The following VHL variants were observed in gnomAD, a reference collection of about 807,000 sequenced individuals.
VHL encodes von Hippel-Lindau tumor suppressor.
VHL carries 10 observed loss-of-function variants against 19.2 expected under a neutral mutation model. The ratio of observed to expected loss-of-function variants is 0.52; its 90% CI spans 0.32 to 0.89. The LOEUF is 0.89. Among genes scored for constraint, VHL ranks in the 40% least tolerant of loss-of-function variants. The pLI is 0.03. For synonymous variants in VHL, 167 were observed against 129.5 expected (o/e 1.29, Z -1.97); for missense variants, 328 against 292.7 (o/e 1.12, Z -0.88).
intron 1 of VHL, among the ~76,000 whole-genome samples, chr3:10,144,395 G>A (rs1001312741): frequency 7.2e-5 from 11 of 151,860 alleles, no homozygotes; most frequent in African/African-American, 2.7e-4. Flanking sequence ...AAGATCACCC[G>A]AACCCAGGAG....
At chr3:10,148,292 C>A (rs1488135475) in intron 2 of VHL, among the ~76,000 whole-genome samples, 1 of 151,360 alleles carries the variant, frequency 6.6e-6, no homozygotes, top group Non-Finnish European at 1.5e-5. Flanking sequence ...ATTGGGATAC[C>A]CAATTCAGTT....
intron 1 of VHL, 75 bp from the exon 2 acceptor site, chr3:10,146,439 G>T (rs368713799): frequency 1.8e-5 from 28 of 1,599,524 alleles, no homozygotes; most frequent in African/African-American, 1.7e-4. Context: ...CTCCCAAAGT[G>T]CTGGGATTAC....
In VHL at chr3:10,153,012, C is replaced by G. The variant is rs1013805837; in HGVS notation, c.*3047C>G. ...ACAAAAATTGCCGGCCGCGGCGGCT[C>G]ATGCCTGTAATCCCAGCACTTTGGG... On this transcript the variant is annotated 3_prime_UTR_variant, in exon 3 of 3. Transcript: ENST00000256474. 7.9e-5 allele frequency among the ~76,000 whole-genome samples: 12 copies of G among 151,972 alleles called. No individual in the cohort carries two copies. The highest frequency in any genetic ancestry group is 2.9e-4 in the African/African-American group (12 of 41,406).
intron 2 of VHL, 62 bp downstream of exon 2, chr3:10,146,698 T>G: frequency 6.2e-7 from 1 of 1,605,104 alleles, no homozygotes; most frequent in South Asian, 1.1e-5. Flanking sequence ...ATAGACCACT[T>G]GAAAAATTAA....
chr3:10,147,858 A>G (rs1234244326), intron 2 of VHL, among the ~76,000 whole-genome samples: 2 of 152,074 alleles, frequency 1.3e-5, no homozygotes, highest in African/African-American at 4.8e-5. Flanking sequence ...TAGGGAGGCT[A>G]TGGCGGGAGG....
At chr3:10,148,108 A>T in intron 2 of VHL, among the ~76,000 whole-genome samples, 1 of 152,026 alleles carries the variant, frequency 6.6e-6, no homozygotes, top group East Asian at 1.9e-4. Context: ...AAAAAGAAAA[A>T]AAAAACTCAA....
In VHL at chr3:10,150,315, C is replaced by A; in HGVS notation, c.*350C>A. On this transcript the variant is annotated 3_prime_UTR_variant, in exon 3 of 3. Coordinates refer to ENST00000256474, the MANE Select transcript of VHL (RefSeq NM_000551.4). The stretch of plus-strand genomic sequence containing the variant: ...TCGTTTAATTTTAAGAAGGCATTGG[C>A]ATCTGCTTTTAATGGATGTATAATA... The A allele has an allele frequency of 7.9e-7, 1 of 1,269,688 alleles. No individual in the cohort carries two copies. The highest frequency in any genetic ancestry group is 1.0e-6 in the Non-Finnish European group (1 of 994,280). The allele number at this position is 1,269,688 out of a possible 1,614,324, so 78.7% of individuals were successfully genotyped here. A position where few individuals can be genotyped will look rare whatever the true frequency, so the allele number is the denominator to read the frequency against.
chr3:10,142,260 G>A, intron 1 of VHL, 73 bp downstream of exon 1: 11 of 1,530,328 alleles, frequency 7.2e-6, no homozygotes, highest in African/African-American at 5.5e-5. Context: ...CCGCCCCGGG[G>A]TCCATTTTGC....
intron 1 of VHL, 60 bp downstream of exon 1, chr3:10,142,247 C>T: frequency 6.5e-7 from 1 of 1,545,178 alleles, no homozygotes; most frequent in Non-Finnish European, 8.7e-7. Context: ...TGAAGCCCCT[C>T]TACCGCCCCG....
At chr3:10,146,673 T>C (rs1349160967) in intron 2 of VHL, 37 bp downstream of exon 2, 4 of 1,611,126 alleles carry the variant, frequency 2.5e-6, no homozygotes, top group African/African-American at 1.3e-5. Context: ...ATAAGGTTGT[T>C]GTGGTAAGTA....
Position 10,152,914 on chromosome 3 carries a change from G to A in VHL, c.*2949G>A, listed in dbSNP as rs759922372. 4.6e-5 allele frequency among the ~76,000 whole-genome samples: 7 copies of A among 152,114 alleles called. No homozygotes were observed. The highest frequency in any genetic ancestry group is 1.3e-4 in the Admixed American group (2 of 15,268). On this transcript the variant is annotated 3_prime_UTR_variant, in exon 3 of 3. Transcript: ENST00000256474. ...TCCCAGCATTTTGGGAGACCAAGGC[G>A]GATGGATCACCTGAGGTCAGGAGCT...
At chr3:10,144,713 G>A (rs993829417) in intron 1 of VHL, among the ~76,000 whole-genome samples, 10 of 151,284 alleles carry the variant, frequency 6.6e-5, no homozygotes, top group African/African-American at 2.4e-4. Context: ...GTAGAGATGA[G>A]GTCTTGCTAT....
At chr3:10,146,128 G>T (rs1696248573) in intron 1 of VHL, among the ~76,000 whole-genome samples, 1 of 151,658 alleles carries the variant, frequency 6.6e-6, no homozygotes, top group South Asian at 2.1e-4. Context: ...GTGTAGGTCA[G>T]GGGAAATGGA....
intron 1 of VHL, among the ~76,000 whole-genome samples, chr3:10,144,703 G>A (rs1696210614): frequency 6.6e-6 from 1 of 151,650 alleles, no homozygotes; most frequent in Non-Finnish European, 1.5e-5. Context: ...TTTATTTTTA[G>A]TAGAGATGAG....
Position 10,151,926 on chromosome 3 carries a change from C to T in VHL, c.*1961C>T, listed in dbSNP as rs1021622635. On this transcript the variant is annotated 3_prime_UTR_variant, in exon 3 of 3. Coordinates refer to ENST00000256474, the MANE Select transcript of VHL (RefSeq NM_000551.4). Reference sequence around the variant, plus strand: ...AAAAAATTTTTAAAAATTAGCATGGCGGCACACATCTGTAATCCTAGCTAC... The same window carrying T: ...AAAAAATTTTTAAAAATTAGCATGGTGGCACACATCTGTAATCCTAGCTAC... The T allele has an allele frequency of 1.6e-4, 28 of 176,602 alleles. No individual in the cohort carries two copies. Among genetic ancestry groups the T allele is most frequent in the African/African-American group, 7.1e-4 (26 of 36,516 alleles). The allele number at this position is 176,602 out of a possible 1,614,324, so 10.9% of individuals were successfully genotyped here.
chr3:10,142,453 C>G (rs1316466769), intron 1 of VHL: 7 of 497,232 alleles, frequency 1.4e-5, no homozygotes, highest in Non-Finnish European at 2.5e-5. Context: ...TCAAGCGATT[C>G]TCCTGCCTCA....
intron 1 of VHL, among the ~76,000 whole-genome samples, chr3:10,146,234 C>T (rs928660480): frequency 2.7e-5 from 4 of 146,204 alleles, no homozygotes; most frequent in East Asian, 4.0e-4. Flanking sequence ...AGTGCAGTGG[C>T]GCGATCTCGG....
intron 2 of VHL, among the ~76,000 whole-genome samples, 198 bp from the exon 3 acceptor site, chr3:10,149,589 C>A (rs981018506): frequency 6.6e-6 from 1 of 152,228 alleles, no homozygotes; most frequent in African/African-American, 2.4e-5. Context: ...GGTGAAATTA[C>A]TACAGAGGCA....
rs2125124920 is a variant in VHL at position 10,142,024 on chromosome 3, G to A, written c.177G>A (p.Pro59=). ...GAEEEMEAGR[P]RPVLRSVNSR... is the part of the protein sequence containing the mutation. The stretch of plus-strand genomic sequence containing the variant: ...AGGAGGAGATGGAGGCCGGGCGGCC[G>A]CGGCCCGTGCTGCGCTCGGTGAACT... The change falls in exon 1 of 3, where the codon CCG becomes CCA. Residue 59 remains proline (P), a synonymous_variant. Transcript: ENST00000256474. The A allele has an allele frequency of 6.3e-7, 1 of 1,594,742 alleles. No homozygotes were observed. The highest frequency in any genetic ancestry group is 8.5e-7 in the Non-Finnish European group (1 of 1,172,538).
Sources: gnomAD v4.1 joint callset for allele counts (sites outside exome capture counted in the v4.1 genomes callset) on GRCh38, gnomAD v4.1.1 for gene constraint, MANE v1.5 for transcripts, NCBI Gene and HGNC (gene_info 2026-07-23, HGNC 2026-07-21) for gene names.